Variants in GALNT7 observed in about 807,000 individuals in gnomAD.
GALNT7 encodes N-acetylgalactosaminyltransferase 7.
A neutral mutation model predicts 82.1 loss-of-function variants in GALNT7; 60 were observed. The observed-to-expected ratio is 0.73, with a 90% confidence interval of 0.59 to 0.91. GALNT7 has a LOEUF of 0.91. Among genes scored for constraint, GALNT7 ranks in the 40% least tolerant of loss-of-function variants. The pLI is 0.00. For missense variants in GALNT7, 660 were observed against 804.2 expected (o/e 0.82, Z 2.17); for synonymous variants, 243 against 275.1 (o/e 0.88, Z 1.15).
intron 1 of GALNT7, among the ~76,000 whole-genome samples, chr4:173,171,314 T>C (rs1455411017): frequency 6.6e-6 from 1 of 152,230 alleles, no homozygotes; most frequent in African/African-American, 2.4e-5. Context: ...TTTACTTCGA[T>C]GACTATTGCA....
intron 1 of GALNT7, 150 bp downstream of exon 1, chr4:173,169,111 G>A (rs1259093830): frequency 5.6e-6 from 3 of 538,124 alleles, no homozygotes; most frequent in Non-Finnish European, 8.2e-6. Context: ...GGCCGAGGGG[G>A]TGCCGAGCCC....
chr4:173,273,636 C>T (rs368060113), intron 2 of GALNT7, among the ~76,000 whole-genome samples: 10 of 152,152 alleles, frequency 6.6e-5, no homozygotes, highest in African/African-American at 2.4e-4. Flanking sequence ...GTGGTGCGTT[C>T]ATAGTGTGCT....
At chr4:173,178,068 C>CG (rs1561142253) in intron 1 of GALNT7, among the ~76,000 whole-genome samples, 20 of 147,294 alleles carry the variant, frequency 1.4e-4, no homozygotes, top group Non-Finnish European at 2.5e-4. Flanking sequence ...CACGCGCGTG[C>CG]GCACAGACAC....
chr4:173,176,765 T>A (rs1280757618), intron 1 of GALNT7, among the ~76,000 whole-genome samples: 2 of 152,080 alleles, frequency 1.3e-5, no homozygotes, highest in Non-Finnish European at 2.9e-5. Flanking sequence ...GGGGACTACA[T>A]GGCTGAAAAT....
intron 2 of GALNT7, among the ~76,000 whole-genome samples, chr4:173,255,858 A>G (rs1330952085): frequency 6.6e-6 from 1 of 152,238 alleles, no homozygotes; most frequent in Non-Finnish European, 1.5e-5. Flanking sequence ...TCAGTGGGTC[A>G]GCATGGTCAC....
chr4:173,288,282 C>CAAAAAAAAAAAAAAAAAAAAAAAA (rs70944442), intron 2 of GALNT7, among the ~76,000 whole-genome samples: 1 of 62,972 alleles, frequency 1.6e-5, no homozygotes, highest in African/African-American at 8.7e-5. Context: ...GACTCCATCT[C>CAAAAAAAAAAAAAAAAAAAAAAAA]AAAAAAAAAA....
rs536194873 is a variant in GALNT7, at chr4:173,298,702, A to T, written c.1148+405A>T. ...TAATCCAACCAAGACTTTTATTTCCACGTTCATGCCGTGGGTATAATGTTA... is the reference window on the plus strand; with the variant it reads ...TAATCCAACCAAGACTTTTATTTCCTCGTTCATGCCGTGGGTATAATGTTA... On this transcript the variant is annotated intron_variant, in intron 6 of 11. Coordinates refer to ENST00000265000, the MANE Select transcript of GALNT7 (RefSeq NM_017423.3). Among the ~76,000 whole-genome samples the T allele has an allele frequency of 4.2e-4, 64 of 152,344 alleles. No homozygotes were observed. In the South Asian group the frequency reaches 0.013, roughly 32 times the overall value.
intron 1 of GALNT7, among the ~76,000 whole-genome samples, chr4:173,210,383 T>C (rs547424024): frequency 6.6e-6 from 1 of 152,316 alleles, no homozygotes; most frequent in South Asian, 2.1e-4. Context: ...TGAAAAATGG[T>C]CACCTTTGCA....
At chr4:173,265,587 ATCTC>A (rs59676800) in intron 2 of GALNT7, among the ~76,000 whole-genome samples, 23,758 of 117,554 alleles carry the variant, frequency 0.2, 2,352 homozygotes, top group South Asian at 0.25. Flanking sequence ...TGGCGTAAGC[ATCTC>A]TCTCTCTCTC....
At chr4:173,222,108 A>G (rs1468706433) in intron 1 of GALNT7, among the ~76,000 whole-genome samples, 1 of 152,208 alleles carries the variant, frequency 6.6e-6, no homozygotes, top group South Asian at 2.1e-4. Flanking sequence ...TCACTGAGTC[A>G]TGCTAGGCCA....
At chr4:173,183,679 C>T (rs568812681) in intron 1 of GALNT7, among the ~76,000 whole-genome samples, 12 of 152,114 alleles carry the variant, frequency 7.9e-5, no homozygotes, top group Admixed American at 1.3e-4. Flanking sequence ...ACCTCCCAGA[C>T]GGGGCGGCCG....
intron 1 of GALNT7, among the ~76,000 whole-genome samples, chr4:173,177,863 G>C (rs1732101197): frequency 6.6e-6 from 1 of 152,126 alleles, no homozygotes; most frequent in African/African-American, 2.4e-5. Context: ...GTCGTGAAGA[G>C]TCATCTTCAC....
intron 1 of GALNT7, among the ~76,000 whole-genome samples, chr4:173,219,512 G>A (rs1733575435): frequency 6.6e-6 from 1 of 152,194 alleles, no homozygotes; most frequent in Non-Finnish European, 1.5e-5. Flanking sequence ...ATACCCAGGT[G>A]TGGGATTGCT....
Position 173,304,002 on chromosome 4 carries a change from C to T in GALNT7, c.1273C>T (p.Gln425Ter). Residue 425 changes from glutamine (Q) to a stop codon, truncating the protein, a stop_gained, in exon 8 of 12, where the codon CAG becomes TAG. Coordinates refer to ENST00000265000, the MANE Select transcript of GALNT7 (RefSeq NM_017423.3). LOFTEE classifies it high-confidence loss of function. ...ACGTGTTTTTCCTTCATAGATATGG[C>T]AGTGTGGTGGCAAATTATTATTTGT... ...ENFEISYKIW[Q>*]CGGKLLFVPC... 1.2e-6 allele frequency: 2 copies of T among 1,608,396 alleles called. No homozygotes were observed. Among genetic ancestry groups the T allele is most frequent in the South Asian group, 1.1e-5 (1 of 90,298 alleles).
chr4:173,316,826 T>G (rs1318134925), intron 9 of GALNT7: 1 of 152,268 alleles, frequency 6.6e-6, no homozygotes, highest in Non-Finnish European at 1.5e-5. Flanking sequence ...TGGGGCAGTC[T>G]TTGGAGCTCC....
At chr4:173,223,013 A>T (rs1008504448) in intron 1 of GALNT7, among the ~76,000 whole-genome samples, 1 of 152,170 alleles carries the variant, frequency 6.6e-6, no homozygotes. Context: ...TCACAATAAG[A>T]ATCCTAAAAA....
At chr4:173,194,782 C>A (rs1320825876) in intron 1 of GALNT7, among the ~76,000 whole-genome samples, 1 of 152,192 alleles carries the variant, frequency 6.6e-6, no homozygotes, top group African/African-American at 2.4e-5. Context: ...AATGCTTTCC[C>A]TCCCCGCTTC....
At chr4:173,286,755 C>T (rs551231582) in intron 2 of GALNT7, among the ~76,000 whole-genome samples, 29 of 152,292 alleles carry the variant, frequency 1.9e-4, no homozygotes, top group African/African-American at 6.0e-4. Flanking sequence ...AGCTATTTCA[C>T]GGTATCCAGG....
chr4:173,176,360 G>C (rs1293139547), intron 1 of GALNT7, among the ~76,000 whole-genome samples: 2 of 152,184 alleles, frequency 1.3e-5, no homozygotes, highest in Non-Finnish European at 2.9e-5. Flanking sequence ...TGATGGGGGT[G>C]TGTGGCTCTT....
Sources: gnomAD v4.1 joint callset for allele counts (sites outside exome capture counted in the v4.1 genomes callset) on GRCh38, gnomAD v4.1.1 for gene constraint, MANE v1.5 for transcripts, NCBI Gene and HGNC (gene_info 2026-07-23, HGNC 2026-07-21) for gene names.